The following PI4KA variants were observed in gnomAD, a reference collection of about 807,000 sequenced individuals.
PI4KA encodes phosphatidylinositol 4-kinase alpha, also known as PI4-kinase alpha.
In PI4KA, 122 loss-of-function variants were observed where a neutral mutation model predicts 271.4. The ratio of observed to expected loss-of-function variants is 0.45; its 90% CI spans 0.39 to 0.52. PI4KA has a LOEUF of 0.52. PI4KA is among the 20% of genes least tolerant of loss of function. The pLI is 0.00. For missense variants in PI4KA, 1,969 were observed against 2,769.1 expected (o/e 0.71, Z 6.48); for synonymous variants, 1,041 against 1,078.8 (o/e 0.96, Z 0.69).
chr22:20,742,237 C>T lies in PI4KA; in HGVS notation c.3732G>A (p.Val1244=). 1 of 1,614,050 alleles carries T rather than the reference C, an allele frequency of 6.2e-7. No individual in the cohort carries two copies. The highest frequency in any genetic ancestry group is 1.1e-5 in the South Asian group (1 of 91,068). The change falls in exon 32 of 55, where the codon GTG becomes GTA. Residue 1244 remains valine, a synonymous_variant. Coordinates refer to ENST00000255882, the MANE Select transcript of PI4KA (RefSeq NM_058004.4). ...WEWLLAGKDG[V]EVPFMREMAG... is the part of the protein sequence containing the mutation. ...GAGGTCAGGGTCCTACCGGCACTTC[C>T]ACTCCATCCTTGCCAGCCAGCAGCC...
chr22:20,777,947 G>A (rs1036045286), intron 19 of PI4KA, among the ~76,000 whole-genome samples: 2 of 152,256 alleles, frequency 1.3e-5, no homozygotes, highest in Middle Eastern at 3.4e-3. Flanking sequence ...AATAAAGGGA[G>A]TGCCCCTCAG....
At chr22:20,833,653 T>A (rs988507120) in intron 3 of PI4KA, among the ~76,000 whole-genome samples, 1 of 100,394 alleles carries the variant, frequency 1.0e-5, no homozygotes, top group East Asian at 2.8e-4. Context: ...TTTGGTTTGT[T>A]TTTGTTTTTT....
chr22:20,846,589 T>C lies in PI4KA; in HGVS notation c.157-7858A>G, dbSNP rs368293466. Among the ~76,000 whole-genome samples, 16 of 152,180 alleles carry C rather than the reference T, an allele frequency of 1.1e-4. No individual in the cohort carries two copies. In the South Asian group the frequency reaches 2.9e-3, roughly 28 times the overall value. ...CAGGCACAGTGGCCCATGCCTGTAA[T>C]CCCAGCACTTTGGGAGGCCAAGGCG... On this transcript the variant is annotated intron_variant, in intron 1 of 54. Coordinates refer to ENST00000255882, the MANE Select transcript of PI4KA (RefSeq NM_058004.4).
intron 39 of PI4KA, 38 bp downstream of exon 39, chr22:20,729,275 G>A (rs775244619): frequency 6.3e-7 from 1 of 1,583,706 alleles, no homozygotes; most frequent in South Asian, 1.2e-5. Flanking sequence ...TGGACCTCTG[G>A]TGAGGCCTGT....
chr22:20,707,840 C>T lies in PI4KA; in HGVS notation c.*207G>A. 1.5e-6 allele frequency: 1 copy of T among 665,530 alleles called. No homozygotes were observed. The highest frequency in any genetic ancestry group is 2.8e-6 in the Non-Finnish European group (1 of 362,514). 41.2% of individuals were successfully genotyped at this position (665,530 alleles called of 1,614,324 possible). ...CAGAGGACTCACACCTGTGCATAGA[C>T]AGCACCATCCATTGATTGTCGCTGC... is the stretch of plus-strand genomic sequence containing the variant. On this transcript the variant is annotated 3_prime_UTR_variant, in exon 55 of 55. Transcript: ENST00000255882.
chr22:20,740,874 T>C (rs1193182920), intron 32 of PI4KA, among the ~76,000 whole-genome samples: 7 of 152,142 alleles, frequency 4.6e-5, no homozygotes, highest in African/African-American at 1.7e-4. Flanking sequence ...AAATAATCCA[T>C]ATGCATCAAA....
intron 7 of PI4KA, 88 bp from the exon 8 acceptor site, chr22:20,813,594 G>A: frequency 8.1e-7 from 1 of 1,234,260 alleles, no homozygotes; most frequent in Non-Finnish European, 1.1e-6. Context: ...ACCAACAAAG[G>A]TGCAGATTTT....
chr22:20,785,372 A>G (rs575815576), intron 19 of PI4KA, among the ~76,000 whole-genome samples: 1 of 152,292 alleles, frequency 6.6e-6, no homozygotes, highest in African/African-American at 2.4e-5. Context: ...TGCCTGGCCC[A>G]TTTGACTTTT....
At chr22:20,796,370 G>A in intron 17 of PI4KA, 56 bp from the exon 18 acceptor site, 2 of 1,547,182 alleles carry the variant, frequency 1.3e-6, no homozygotes. Flanking sequence ...CGTCCCCAAG[G>A]GACGGCACTG....
chr22:20,757,009 G>A (rs1427554927), intron 23 of PI4KA, among the ~76,000 whole-genome samples: 1 of 152,188 alleles, frequency 6.6e-6, no homozygotes, highest in Non-Finnish European at 1.5e-5. Context: ...CTGGTGAACT[G>A]ACTCACAGGA....
chr22:20,731,622 T>C (rs1483593014), intron 36 of PI4KA, among the ~76,000 whole-genome samples: 6 of 152,122 alleles, frequency 3.9e-5, no homozygotes, highest in Non-Finnish European at 8.8e-5. Context: ...GGTGAAGCCC[T>C]GTCTCTACTA....
In PI4KA at chr22:20,815,937, TTC is replaced by T. The variant is rs577201053; in HGVS notation, c.857-2433_857-2432del. Among the ~76,000 whole-genome samples the T allele has an allele frequency of 2.7e-3, 400 of 149,726 alleles. 2 individuals carry two copies. The highest frequency in any genetic ancestry group is 5.2e-3 in the Non-Finnish European group (349 of 66,902). On this transcript the variant is annotated intron_variant, in intron 7 of 54. Transcript: ENST00000255882. ...TTTACGCAGGGGGTGTCATTGAAACTTCTTTTTTTTTTTTCCTGTGAGACAAG... is the reference window on the plus strand; with the variant it reads ...TTTACGCAGGGGGTGTCATTGAAACTTTTTTTTTTTTTCCTGTGAGACAAG...
At chr22:20,790,741 C>CACA (rs1555896182) in intron 19 of PI4KA, among the ~76,000 whole-genome samples, 1 of 130,354 alleles carries the variant, frequency 7.7e-6, no homozygotes, top group East Asian at 2.3e-4. Context: ...CACACACACA[C>CACA]AACAAAAAAA....
At chr22:20,764,405 T>C (rs1045513121) in intron 22 of PI4KA, among the ~76,000 whole-genome samples, 3 of 152,186 alleles carry the variant, frequency 2.0e-5, no homozygotes, top group Non-Finnish European at 2.9e-5. Flanking sequence ...CAGGACTGTT[T>C]TGGAGCCGGC....
At chr22:20,798,996 C>A in intron 16 of PI4KA, 97 bp downstream of exon 16, 3 of 991,408 alleles carry the variant, frequency 3.0e-6, no homozygotes, top group South Asian at 3.3e-5. Context: ...AGCTCATCTG[C>A]AAGGTATATT....
At position 20,729,465 on chromosome 22, in the gene PI4KA, C is replaced by G; in HGVS notation, c.4530G>C (p.Leu1510=). 6.2e-7 allele frequency: 1 copy of G among 1,609,168 alleles called. No individual in the cohort carries two copies. The highest frequency in any genetic ancestry group is 8.5e-7 in the Non-Finnish European group (1 of 1,177,446). Residue 1510 remains leucine (L), a synonymous_variant, in exon 39 of 55, where the codon CTG becomes CTC. Coordinates refer to ENST00000255882, the MANE Select transcript of PI4KA (RefSeq NM_058004.4). ...GGTCTAGTTCCAGTTCCGGGGCTGACAGCGGGTTGTACCATGTGATGAGAC... is the reference window on the plus strand; with the variant it reads ...GGTCTAGTTCCAGTTCCGGGGCTGAGAGCGGGTTGTACCATGTGATGAGAC... ...IERLITWYNP[L]SAPELELDQA...
chr22:20,847,944 G>A (rs1163310521), intron 1 of PI4KA, among the ~76,000 whole-genome samples: 1 of 152,042 alleles, frequency 6.6e-6, no homozygotes, highest in Non-Finnish European at 1.5e-5. Flanking sequence ...CTATTGTTTA[G>A]ATGGCAATAC....
At chr22:20,735,624 ACT>A (rs1170271209) in intron 32 of PI4KA, among the ~76,000 whole-genome samples, 1 of 151,980 alleles carries the variant, frequency 6.6e-6, no homozygotes, top group African/African-American at 2.4e-5. Flanking sequence ...TGCCTTTTGC[ACT>A]CTGTCCTTGT....
chr22:20,753,848 G>A (rs1051907742), intron 23 of PI4KA, among the ~76,000 whole-genome samples: 3 of 152,058 alleles, frequency 2.0e-5, no homozygotes, highest in African/African-American at 4.8e-5. Context: ...CACCACGCCC[G>A]GCTAATTTTT....
Sources: gnomAD v4.1 joint callset for allele counts (sites outside exome capture counted in the v4.1 genomes callset) on GRCh38, gnomAD v4.1.1 for gene constraint, MANE v1.5 for transcripts, NCBI Gene and HGNC (gene_info 2026-07-23, HGNC 2026-07-21) for gene names.